Variants in PAPPA observed in about 807,000 individuals in gnomAD.
PAPPA encodes the protein pappalysin-1.
Under a neutral mutation model 164.0 loss-of-function variants are expected in PAPPA, and 60 were observed. That is an observed-to-expected ratio of 0.37 (90% CI 0.30 to 0.45). The LOEUF (loss-of-function observed/expected upper bound fraction) is 0.45. PAPPA is among the 20% of genes least tolerant of loss of function. PAPPA has a pLI of 1.00. For synonymous variants in PAPPA, 875 were observed against 814.1 expected (o/e 1.07, Z -1.27); for missense variants, 1,782 against 2,087.3 (o/e 0.85, Z 2.85).
At chr9:116,332,141 G>A (rs2118950453) in intron 11 of PAPPA, among the ~76,000 whole-genome samples, 192 bp from the exon 12 acceptor site, 1 of 152,164 alleles carries the variant, frequency 6.6e-6, no homozygotes, top group Middle Eastern at 3.4e-3. Context: ...GATTGAAATT[G>A]GGTTTCTGAT....
intron 14 of PAPPA, 105 bp from the exon 15 acceptor site, chr9:116,346,921 T>C: frequency 1.2e-6 from 1 of 822,108 alleles, no homozygotes; most frequent in Non-Finnish European, 1.9e-6. Context: ...ATTGGTCTCC[T>C]AGTGCCTGGG....
intron 18 of PAPPA, among the ~76,000 whole-genome samples, chr9:116,365,976 G>C (rs192314939): frequency 5.3e-5 from 8 of 152,108 alleles, no homozygotes; most frequent in African/African-American, 1.7e-4. Context: ...CGGGTGTCAT[G>C]TACATATGTA....
intron 9 of PAPPA, among the ~76,000 whole-genome samples, chr9:116,278,654 G>A (rs1477078080): frequency 2.7e-5 from 4 of 148,782 alleles, no homozygotes; most frequent in East Asian, 2.0e-4. Context: ...TAGCCAAATC[G>A]TTTTTTTTTT....
intron 2 of PAPPA, among the ~76,000 whole-genome samples, chr9:116,199,478 G>T (rs894757501): frequency 1.3e-5 from 2 of 152,016 alleles, no homozygotes; most frequent in Non-Finnish European, 2.9e-5. Context: ...CATTCCTATT[G>T]CTGTGAGACA....
intron 9 of PAPPA, among the ~76,000 whole-genome samples, chr9:116,298,160 AG>A (rs1295883243): frequency 3.3e-5 from 5 of 152,224 alleles, no homozygotes; most frequent in African/African-American, 1.2e-4. Flanking sequence ...GTGCATCTTA[AG>A]TAGTGTCCTG....
At chr9:116,353,155 A>G (rs1413845465) in intron 16 of PAPPA, among the ~76,000 whole-genome samples, 1 of 152,170 alleles carries the variant, frequency 6.6e-6, no homozygotes, top group Non-Finnish European at 1.5e-5. Flanking sequence ...AAATGACTTT[A>G]CTTCTCTGCA....
intron 1 of PAPPA, among the ~76,000 whole-genome samples, chr9:116,164,842 G>A (rs566044318): frequency 6.6e-6 from 1 of 152,260 alleles, no homozygotes; most frequent in Admixed American, 6.5e-5. Flanking sequence ...AGGCACCCAG[G>A]CAGAAAACAT....
chr9:116,379,421 T>G (rs2118691985), intron 20 of PAPPA, among the ~76,000 whole-genome samples: 1 of 152,294 alleles, frequency 6.6e-6, no homozygotes, highest in East Asian at 1.9e-4. Flanking sequence ...TCACCAAAGC[T>G]TCACTGAGAA....
At chr9:116,155,448 T>G (rs942601141) in intron 1 of PAPPA, among the ~76,000 whole-genome samples, 4 of 152,176 alleles carry the variant, frequency 2.6e-5, no homozygotes, top group Non-Finnish European at 5.9e-5. Context: ...TCTGTGGAAA[T>G]GCCTTTAATA....
intron 11 of PAPPA, 105 bp from the exon 12 acceptor site, chr9:116,332,228 C>A: frequency 1.1e-6 from 1 of 912,182 alleles, no homozygotes. Flanking sequence ...AGTAGTAGCC[C>A]AGTTCTTAAA....
intron 2 of PAPPA, among the ~76,000 whole-genome samples, chr9:116,197,901 A>G (rs1412265356): frequency 6.6e-6 from 1 of 152,232 alleles, no homozygotes; most frequent in Non-Finnish European, 1.5e-5. Context: ...AACTTAGTAT[A>G]TTTTAGTTAG....
intron 17 of PAPPA, among the ~76,000 whole-genome samples, chr9:116,358,224 T>A (rs994029598): frequency 6.6e-6 from 1 of 152,116 alleles, no homozygotes; most frequent in African/African-American, 2.4e-5. Flanking sequence ...AAGAGACTTA[T>A]CCTGAGTCAT....
At chr9:116,360,270 G>A (rs1250418704) in intron 17 of PAPPA, among the ~76,000 whole-genome samples, 1 of 148,450 alleles carries the variant, frequency 6.7e-6, no homozygotes, top group African/African-American at 2.4e-5. Context: ...CTGAGAAGGA[G>A]AGTCTGGGCT....
intron 7 of PAPPA, among the ~76,000 whole-genome samples, chr9:116,253,383 G>A (rs1289650528): frequency 6.6e-6 from 1 of 152,008 alleles, no homozygotes; most frequent in Non-Finnish European, 1.5e-5. Context: ...TTAAAAAATT[G>A]AACAATAAAA....
chr9:116,301,515 G>T (rs1845578987), intron 9 of PAPPA, among the ~76,000 whole-genome samples: 1 of 152,214 alleles, frequency 6.6e-6, no homozygotes, highest in East Asian at 1.9e-4. Context: ...GATCTCTTTT[G>T]GTTGGCCACA....
At position 116,154,492 on chromosome 9, in the gene PAPPA, G is replaced by A. The variant is rs902831145; in HGVS notation, c.320G>A (p.Arg107His). Residue 107 changes from arginine to histidine, a missense_variant, in exon 1 of 22, where the codon CGC becomes CAC. Arg to His is a conservative substitution (Grantham distance 29). Coordinates refer to ENST00000328252, the MANE Select transcript of PAPPA (RefSeq NM_002581.5). The surrounding 1 kb of genome is among the most constrained non-coding windows in gnomAD (Gnocchi z 5.2). ...LYFSGRGEQL[R>H]LRADLELPRD... ...TTCAGCGGGCGAGGCGAGCAGCTGC[G>A]CCTCCGGGCCGACCTCGAGCTGCCC... The A allele has an allele frequency of 8.4e-6, 11 of 1,313,032 alleles. No individual in the cohort carries two copies. The highest frequency in any genetic ancestry group is 2.0e-5 in the South Asian group (1 of 49,266). 81.3% of individuals were successfully genotyped at this position (1,313,032 alleles called of 1,614,324 possible).
chr9:116,222,236 T>A (rs1425697422), intron 5 of PAPPA, among the ~76,000 whole-genome samples: 1 of 152,206 alleles, frequency 6.6e-6, no homozygotes, highest in African/African-American at 2.4e-5. Context: ...CATCATCAGA[T>A]GAACAGGTAA....
Position 116,353,607 on chromosome 9 carries a change from A to G in PAPPA, c.4176-15A>G, listed in dbSNP as rs772736735. On this transcript the variant is annotated splice_polypyrimidine_tract_variant and intron_variant, in intron 16 of 21. Transcript: ENST00000328252. ...TGGTCCTTGAGATGTCTCCTGTTTG[A>G]TCCTTTCCTTGAAGACGGGCCTTCA... The G allele has an allele frequency of 2.5e-6, 4 of 1,611,984 alleles. No homozygotes were observed. In the South Asian group the frequency reaches 3.3e-5, roughly 13 times the overall value.
chr9:116,349,147 C>T (rs1197759274), intron 15 of PAPPA, among the ~76,000 whole-genome samples: 1 of 150,818 alleles, frequency 6.6e-6, no homozygotes, highest in Non-Finnish European at 1.5e-5. Context: ...CTTGCAATCC[C>T]CCCGTACCAG....
Sources: gnomAD v4.1 joint callset for allele counts (sites outside exome capture counted in the v4.1 genomes callset) on GRCh38, gnomAD v4.1.1 for gene constraint, Gnocchi (gnomAD v3.1) non-coding constraint, MANE v1.5 for transcripts, NCBI Gene and HGNC (gene_info 2026-07-23, HGNC 2026-07-21) for gene names.